Variants in GABBR1 observed in about 807,000 individuals in gnomAD.
The protein encoded by GABBR1 is GABA-B receptor, R1 subunit.
A neutral mutation model predicts 117.7 loss-of-function variants in GABBR1; 35 were observed. The observed-to-expected ratio is 0.30, with a 90% CI of 0.23 to 0.39. The LOEUF (loss-of-function observed/expected upper bound fraction) is 0.39, where lower values mean the gene tolerates loss of function less well. Among genes scored for constraint, GABBR1 ranks in the 10% least tolerant of loss-of-function variants. The pLI is 1.00. For missense variants in GABBR1, 709 were observed against 1,241.8 expected, an observed-to-expected ratio of 0.57 and a Z score of 6.45; for synonymous variants, 442 against 486.6, an observed-to-expected ratio of 0.91 and a Z score of 1.21.
chr6:29,632,450 A>G lies in GABBR1; in HGVS notation c.1-65T>C. The G allele has an allele frequency of 8.1e-7, 1 of 1,237,888 alleles. No individual in the cohort carries two copies. Among genetic ancestry groups the G allele is most frequent in the Non-Finnish European group, 1.1e-6 (1 of 946,742 alleles). The allele number at this position is 1,237,888 out of a possible 1,614,324, so 76.7% of individuals were successfully genotyped here. On this transcript the variant is annotated intron_variant, in intron 1 of 22. Coordinates refer to ENST00000377034, the MANE Select transcript of GABBR1 (RefSeq NM_001470.4). The surrounding 1 kb of genome is among the most constrained non-coding windows in gnomAD (Gnocchi z 5.8). Reference sequence around the variant, plus strand: ...CCGGCGCGGCCCGCACCCGGAGACTACTCGACCTCTTGCCGGTTGCCTCGC... The same window carrying G: ...CCGGCGCGGCCCGCACCCGGAGACTGCTCGACCTCTTGCCGGTTGCCTCGC...
intron 11 of GABBR1, among the ~76,000 whole-genome samples, chr6:29,617,301 C>CTTTTTTTTT (rs373993426): frequency 5.6e-4 from 67 of 119,850 alleles, no homozygotes; most frequent in Non-Finnish European, 7.7e-4. Context: ...TTCTTTCTTT[C>CTTTTTTTTT]TTTTTTTTTT....
chr6:29,604,938 C>A lies in GABBR1; in HGVS notation c.2490G>T (p.Gln830His). The change falls in exon 21 of 23, where the codon CAG becomes CAT. Residue 830 changes from glutamine (Q) to histidine (H), a missense_variant. Around this residue, in one of 9 missense-constraint regions of GABBR1, gnomAD observed 251 missense variants for 445.3 expected, o/e 0.56. Transcript: ENST00000377034. The surrounding 1 kb of genome is among the most constrained non-coding windows in gnomAD (Gnocchi z 5.3). ...APVTMILSSQ[Q>H]DAAFAFASLA... The stretch of plus-strand genomic sequence containing the variant: ...GAGAGGCAAAGGCAAAGGCTGCATC[C>A]TGCTGGCTGGACAGAATCATGGTGA... 6.2e-7 allele frequency: 1 copy of A among 1,613,112 alleles called. No individual in the cohort carries two copies. The highest frequency in any genetic ancestry group is 8.5e-7 in the Non-Finnish European group (1 of 1,180,000).
intron 16 of GABBR1, among the ~76,000 whole-genome samples, chr6:29,608,179 C>T (rs777723260): frequency 3.9e-5 from 6 of 152,138 alleles, no homozygotes; most frequent in Non-Finnish European, 7.4e-5. Context: ...TGGTCCCTTC[C>T]CCCCAACTCT....
Position 29,603,390 on chromosome 6 carries a change from C to A in GABBR1, c.*153G>T. Reference sequence around the variant, plus strand: ...AGAGGTATGAGAGACCCAAATCAGCCCAGAACTCACAGGGGGACATGTATT... The same window carrying A: ...AGAGGTATGAGAGACCCAAATCAGCACAGAACTCACAGGGGGACATGTATT... On this transcript the variant is annotated 3_prime_UTR_variant, in exon 23 of 23. Transcript: ENST00000377034. 1.3e-6 allele frequency: 1 copy of A among 749,422 alleles called. No individual in the cohort carries two copies. Among genetic ancestry groups the A allele is most frequent in the Non-Finnish European group, 2.4e-6 (1 of 417,744 alleles). 46.4% of individuals were successfully genotyped at this position (749,422 alleles called of 1,614,324 possible).
chr6:29,613,468 C>T lies in GABBR1; in HGVS notation c.1341G>A (p.Val447=). 1 of 1,612,774 alleles carries T rather than the reference C, an allele frequency of 6.2e-7. No individual in the cohort carries two copies. The highest frequency in any genetic ancestry group is 8.5e-7 in the Non-Finnish European group (1 of 1,179,788). The part of the protein sequence containing the change: ...SISNMTSQEF[V]EKLTKRLKRH... ...TTTTCAGTCGCTTGGTTAGTTTCTC[C>T]ACAAATTCCTGGGATGTCTTGGGAG... The change falls in exon 12 of 23, where the codon GTG becomes GTA. Residue 447 remains valine (V), a synonymous_variant. Coordinates refer to ENST00000377034, the MANE Select transcript of GABBR1 (RefSeq NM_001470.4). This position sits in a 1 kb window ranked among gnomAD's most constrained non-coding sequence, Gnocchi z 4.1.
chr6:29,609,982 T>G lies in GABBR1; in HGVS notation c.1709-603A>C, dbSNP rs1762371887. On this transcript the variant is annotated intron_variant, in intron 14 of 22. Coordinates refer to ENST00000377034, the MANE Select transcript of GABBR1 (RefSeq NM_001470.4). This position sits in a 1 kb window ranked among gnomAD's most constrained non-coding sequence, Gnocchi z 4.3. The stretch of plus-strand genomic sequence containing the variant: ...CAGAGTTCACCAAAAAAAACTAATT[T>G]CAATTTGCTTAGTTTTTTTTTTAAA... Among the ~76,000 whole-genome samples, 1 of 151,738 alleles carries G rather than the reference T, an allele frequency of 6.6e-6. No homozygotes were observed. Among genetic ancestry groups the G allele is most frequent in the Admixed American group, 6.6e-5 (1 of 15,218 alleles).
Position 29,605,936 on chromosome 6 carries a change from T to G in GABBR1, c.2312-240A>C. The G allele has an allele frequency of 1.7e-6, 1 of 581,552 alleles. No individual in the cohort carries two copies. The highest frequency in any genetic ancestry group is 3.1e-6 in the Non-Finnish European group (1 of 327,272). The allele number at this position is 581,552 out of a possible 1,614,324, so 36.0% of individuals were successfully genotyped here. A position where few individuals can be genotyped will look rare whatever the true frequency, so the allele number is the denominator to read the frequency against. On this transcript the variant is annotated intron_variant, in intron 19 of 22. Transcript: ENST00000377034. The surrounding 1 kb of genome is among the most constrained non-coding windows in gnomAD (Gnocchi z 4.2). ...CAGGAAAGCAATGGTGGCAAGCTGCTGTCAGTCAGGCAAGGGCTTGTTGAA... is the reference window on the plus strand; with the variant it reads ...CAGGAAAGCAATGGTGGCAAGCTGCGGTCAGTCAGGCAAGGGCTTGTTGAA...
chr6:29,607,789 C>T lies in GABBR1; in HGVS notation c.1993-571G>A, dbSNP rs1271005884. 1.3e-5 allele frequency among the ~76,000 whole-genome samples: 2 copies of T among 152,252 alleles called. No homozygotes were observed. The highest frequency in any genetic ancestry group is 2.9e-5 in the Non-Finnish European group (2 of 68,048). ...CTCTTCAGTGAGGTCCACCCAATCA[C>T]GCCAGCAGTGAACTGTGTTCCCTTC... On this transcript the variant is annotated intron_variant, in intron 16 of 22. Transcript: ENST00000377034. The surrounding 1 kb of genome is among the most constrained non-coding windows in gnomAD (Gnocchi z 5.0).
In GABBR1 at chr6:29,603,656, G is replaced by A. The variant is rs768285253; in HGVS notation, c.2773C>T (p.Arg925Trp). The A allele has an allele frequency of 4.6e-6, 7 of 1,518,954 alleles. No homozygotes were observed. The highest frequency in any genetic ancestry group is 2.3e-5 in the East Asian group (1 of 43,776). 94.1% of individuals were successfully genotyped at this position (1,518,954 alleles called of 1,614,324 possible). A position where few individuals can be genotyped will look rare whatever the true frequency, so the allele number is the denominator to read the frequency against. Residue 925 changes from arginine to tryptophan, a missense_variant, in exon 23 of 23, where the codon CGG (arginine) becomes TGG (tryptophan). Physicochemically the swap from Arg to Trp is moderately radical, Grantham distance 101 (BLOSUM62 -3). Coordinates refer to ENST00000377034, the MANE Select transcript of GABBR1 (RefSeq NM_001470.4). ...TCTGGGGGTGTCGGTGGGTGGCGCC[G>A]GGAGCGGAGCTGCTGCCGAGACTGG... ...QLQSRQQLRS[R>W]RHPPTPPEPS... is the part of the protein sequence containing the mutation.
chr6:29,608,846 C>A, intron 15 of GABBR1, 113 bp from the exon 16 acceptor site: 1 of 1,178,632 alleles, frequency 8.5e-7, no homozygotes, highest in Non-Finnish European at 1.2e-6. Context: ...GGGCCAGGGG[C>A]TAAAGGAAGA....
chr6:29,632,216 A>T lies in GABBR1; in HGVS notation c.85+85T>A. ...CGGGATGATATGTGGGACTGATGGGATAGTGATGAGGACCAGAAATGAGGA... is the reference window on the plus strand; with the variant it reads ...CGGGATGATATGTGGGACTGATGGGTTAGTGATGAGGACCAGAAATGAGGA... On this transcript the variant is annotated intron_variant, in intron 2 of 22. Coordinates refer to ENST00000377034, the MANE Select transcript of GABBR1 (RefSeq NM_001470.4). This position sits in a 1 kb window ranked among gnomAD's most constrained non-coding sequence, Gnocchi z 5.8. 1.2e-6 allele frequency: 1 copy of T among 816,292 alleles called. No homozygotes were observed. The highest frequency in any genetic ancestry group is 1.8e-6 in the Non-Finnish European group (1 of 553,858). 50.6% of individuals were successfully genotyped at this position (816,292 alleles called of 1,614,324 possible). A position where few individuals can be genotyped will look rare whatever the true frequency, so the allele number is the denominator to read the frequency against.
In GABBR1 at chr6:29,632,351, A is replaced by AG; in HGVS notation, c.34dup (p.Leu12ProfsTer51). On this transcript the variant is annotated frameshift_variant, in exon 2 of 23. Transcript: ENST00000377034. LOFTEE classifies it high-confidence loss of function. The surrounding 1 kb of genome is among the most constrained non-coding windows in gnomAD (Gnocchi z 5.8). ...CGCCCCGCCCGCGCCCGGGGGGCGG[A>AG]GGAAGAGTGGCGCCAGTAGCAGCAG... 2 of 1,358,776 alleles carry AG rather than the reference A, an allele frequency of 1.5e-6. No individual in the cohort carries two copies. The highest frequency in any genetic ancestry group is 1.9e-6 in the Non-Finnish European group (2 of 1,051,060). 84.2% of individuals were successfully genotyped at this position (1,358,776 alleles called of 1,614,324 possible).
At chr6:29,629,242 G>A (rs1156738929) in intron 4 of GABBR1, 135 bp from the exon 5 acceptor site, 2 of 958,404 alleles carry the variant, frequency 2.1e-6, no homozygotes, top group Non-Finnish European at 1.7e-6. Flanking sequence ...TCTGAGGGGA[G>A]GGTGCCTGGG....
intron 16 of GABBR1, among the ~76,000 whole-genome samples, chr6:29,608,288 G>GC (rs1417786862): frequency 1.3e-5 from 2 of 152,284 alleles, no homozygotes; most frequent in African/African-American, 4.8e-5. Context: ...CCACAGACAA[G>GC]CCACCATTGT....
intron 6 of GABBR1, chr6:29,624,365 T>C (rs557779159): frequency 1.6e-5 from 3 of 187,476 alleles, no homozygotes; most frequent in South Asian, 1.6e-4. Flanking sequence ...CATGTTTCTA[T>C]GCTTCAAACA....
Position 29,627,373 on chromosome 6 carries a change from G to T in GABBR1, c.657+113C>A. ...CATCTCCTGCCAGTCACACAAGGGA[G>T]GGGTCTGCCTCGCAATCCCAGAGAC... is the stretch of plus-strand genomic sequence containing the variant. On this transcript the variant is annotated intron_variant, in intron 6 of 22. Transcript: ENST00000377034. The surrounding 1 kb of genome is among the most constrained non-coding windows in gnomAD (Gnocchi z 4.4). 1 of 1,070,602 alleles carries T rather than the reference G, an allele frequency of 9.3e-7. No individual in the cohort carries two copies. 66.3% of individuals were successfully genotyped at this position (1,070,602 alleles called of 1,614,324 possible).
Position 29,623,840 on chromosome 6 carries a change from G to C in GABBR1, c.792+50C>G. The C allele has an allele frequency of 6.3e-7, 1 of 1,585,038 alleles. No homozygotes were observed. Reference sequence around the variant, plus strand: ...CACAATCGCCATCGTCCCTTCAGTAGAGCTCAAAAGGGAATGACCCCATCT... The same window carrying C: ...CACAATCGCCATCGTCCCTTCAGTACAGCTCAAAAGGGAATGACCCCATCT... On this transcript the variant is annotated intron_variant, in intron 7 of 22. Coordinates refer to ENST00000377034, the MANE Select transcript of GABBR1 (RefSeq NM_001470.4). This position sits in a 1 kb window ranked among gnomAD's most constrained non-coding sequence, Gnocchi z 6.2.
chr6:29,629,370 T>C, intron 4 of GABBR1: 3 of 625,998 alleles, frequency 4.8e-6, no homozygotes, highest in South Asian at 3.6e-5. Context: ...GGGCAGATCT[T>C]GGTTCTGTGG....
At chr6:29,616,246 C>T (rs1235745195) in intron 11 of GABBR1, among the ~76,000 whole-genome samples, 2 of 150,466 alleles carry the variant, frequency 1.3e-5, no homozygotes, top group African/African-American at 2.4e-5. Flanking sequence ...GGTGGGCTCC[C>T]GTAATCCCAG....
Sources: allele counts gnomAD v4.1 joint callset (sites outside exome capture counted in the v4.1 genomes callset), GRCh38; gene constraint gnomAD v4.1.1; regional missense constraint gnomAD v4.1.1; non-coding constraint Gnocchi (gnomAD v3.1); transcripts MANE v1.5; gene names NCBI Gene and HGNC (gene_info 2026-07-23, HGNC 2026-07-21).